VWA8: variants seen among roughly 807,000 people sequenced by gnomAD.
The protein encoded by VWA8 is von Willebrand factor A domain-containing protein 8.
VWA8 carries 221 observed loss-of-function variants against 241.5 expected under a neutral mutation model. The observed-to-expected ratio is 0.91, with a 90% confidence interval of 0.82 to 1.02. VWA8 has a LOEUF of 1.02. Ranked by LOEUF, VWA8 falls within the 50% of genes least tolerant of loss-of-function variation. VWA8 has a pLI of 0.00. For synonymous variants in VWA8, 852 were observed against 827.1 expected (o/e 1.03, Z -0.52); for missense variants, 2,322 against 2,328.7 (o/e 1.00, Z 0.06).
intron 37 of VWA8, among the ~76,000 whole-genome samples, chr13:41,618,403 A>G (rs2044635483): frequency 6.6e-6 from 1 of 151,840 alleles, no homozygotes; most frequent in Non-Finnish European, 1.5e-5. Flanking sequence ...GATTGTAAAA[A>G]TTTTCTCCCA....
chr13:41,671,059 C>T lies in VWA8; in HGVS notation c.4498G>A (p.Val1500Ile), dbSNP rs577232520. 6.2e-7 allele frequency: 1 copy of T among 1,613,996 alleles called. No homozygotes were observed. The highest frequency in any genetic ancestry group is 1.1e-5 in the South Asian group (1 of 91,086). The change falls in exon 37 of 45, where the codon GTT (valine) becomes ATT (isoleucine). Residue 1500 changes from valine (V) to isoleucine (I), a missense_variant. Coordinates refer to ENST00000379310, the MANE Select transcript of VWA8 (RefSeq NM_015058.2). Reference protein sequence around the residue: ...LLAEWDKSGVVTVDMGGHIRL... With the variant: ...LLAEWDKSGVITVDMGGHIRL... ...ATGTGACCTCCCATATCAACAGTAACAACACCGCTTTTGTCCCACTCAGCC... is the reference window on the plus strand; with the variant it reads ...ATGTGACCTCCCATATCAACAGTAATAACACCGCTTTTGTCCCACTCAGCC...
intron 4 of VWA8, among the ~76,000 whole-genome samples, chr13:41,896,610 T>C (rs1445438160): frequency 6.6e-6 from 1 of 152,096 alleles, no homozygotes; most frequent in Admixed American, 6.5e-5. Flanking sequence ...TTATAGATTA[T>C]TAAGAAAATT....
intron 12 of VWA8, among the ~76,000 whole-genome samples, chr13:41,838,124 G>A (rs1362676102): frequency 6.6e-6 from 1 of 152,014 alleles, no homozygotes; most frequent in African/African-American, 2.4e-5. Flanking sequence ...CTCAAGAAAT[G>A]GATCAGAGAA....
At chr13:41,736,651 G>A (rs190193260) in intron 21 of VWA8, among the ~76,000 whole-genome samples, 42 of 152,016 alleles carry the variant, frequency 2.8e-4, no homozygotes, top group Admixed American at 2.6e-3. Context: ...AAACATAAGA[G>A]TAAAGGAAGA....
intron 2 of VWA8, among the ~76,000 whole-genome samples, chr13:41,919,464 G>A (rs2138123566): frequency 6.6e-6 from 1 of 152,262 alleles, no homozygotes; most frequent in East Asian, 1.9e-4. Flanking sequence ...CTGCTACTGT[G>A]TTGTAACCAG....
chr13:41,655,003 T>G (rs558741385), intron 37 of VWA8, among the ~76,000 whole-genome samples: 2 of 152,318 alleles, frequency 1.3e-5, no homozygotes, highest in African/African-American at 4.8e-5. Context: ...GGGTTACACA[T>G]TAATGCTATA....
At chr13:41,814,506 C>T (rs900581673) in intron 16 of VWA8, among the ~76,000 whole-genome samples, 1 of 152,090 alleles carries the variant, frequency 6.6e-6, no homozygotes, top group African/African-American at 2.4e-5. Context: ...GCTGAGGATG[C>T]TTCAAGAGAG....
chr13:41,819,593 G>A (rs1163233418), intron 14 of VWA8, among the ~76,000 whole-genome samples: 11 of 152,158 alleles, frequency 7.2e-5, no homozygotes, highest in Admixed American at 5.2e-4. Context: ...ACCACTGCTA[G>A]TAAATGCTGT....
At chr13:41,944,235 T>C (rs1877742131) in intron 2 of VWA8, among the ~76,000 whole-genome samples, 1 of 151,992 alleles carries the variant, frequency 6.6e-6, no homozygotes, top group South Asian at 2.1e-4. Context: ...ATGGCATAAA[T>C]TGTCAAACTC....
At chr13:41,609,789 C>T (rs184027449) in intron 39 of VWA8, among the ~76,000 whole-genome samples, 9 of 152,204 alleles carry the variant, frequency 5.9e-5, no homozygotes, top group South Asian at 2.1e-4. Context: ...AACCACCTTA[C>T]GGTATTCTCT....
chr13:41,629,403 G>C (rs2044712818), intron 37 of VWA8, among the ~76,000 whole-genome samples: 2 of 152,196 alleles, frequency 1.3e-5, no homozygotes, highest in South Asian at 4.1e-4. Flanking sequence ...AGAGGGAACA[G>C]AGCAGCTTAA....
intron 8 of VWA8, 30 bp downstream of exon 8, chr13:41,885,887 TGGG>T: frequency 6.8e-7 from 1 of 1,462,312 alleles, no homozygotes; most frequent in East Asian, 2.3e-5. Flanking sequence ...TTAACATATT[TGGG>T]TATGCCAGTC....
In VWA8 at chr13:41,566,913, C is replaced by G. The variant is rs759896333; in HGVS notation, c.*1284G>C. The G allele has an allele frequency of 9.2e-5, 14 of 152,082 alleles. No homozygotes were observed. Among genetic ancestry groups the G allele is most frequent in the Admixed American group, 8.5e-4 (13 of 15,262 alleles). 9.4% of individuals were successfully genotyped at this position (152,082 alleles called of 1,614,324 possible). A position where few individuals can be genotyped will look rare whatever the true frequency, so the allele number is the denominator to read the frequency against. On this transcript the variant is annotated 3_prime_UTR_variant, in exon 45 of 45. Coordinates refer to ENST00000379310, the MANE Select transcript of VWA8 (RefSeq NM_015058.2). ...GGGTGATAGAACAAATGGGTATTATCTTTTCTTCTTTCCTATAATTAATTA... is the reference window on the plus strand; with the variant it reads ...GGGTGATAGAACAAATGGGTATTATGTTTTCTTCTTTCCTATAATTAATTA...
intron 17 of VWA8, among the ~76,000 whole-genome samples, chr13:41,794,580 C>T (rs1386782753): frequency 6.6e-6 from 1 of 152,186 alleles, no homozygotes; most frequent in Non-Finnish European, 1.5e-5. Flanking sequence ...CATCTGTAAA[C>T]AAAGATAATT....
intron 12 of VWA8, among the ~76,000 whole-genome samples, chr13:41,863,679 G>A (rs993459524): frequency 6.6e-6 from 1 of 151,758 alleles, no homozygotes; most frequent in African/African-American, 2.4e-5. Context: ...GCAGCAACAT[G>A]GATGTAGCTA....
At chr13:41,647,687 C>T (rs2044840675) in intron 37 of VWA8, among the ~76,000 whole-genome samples, 3 of 152,020 alleles carry the variant, frequency 2.0e-5, no homozygotes, top group Admixed American at 1.3e-4. Flanking sequence ...AAATATACAT[C>T]GCTAAAAGAA....
At chr13:41,729,503 G>T (rs376950758) in intron 23 of VWA8, 39 bp downstream of exon 23, 64 of 1,584,682 alleles carry the variant, frequency 4.0e-5, no homozygotes, top group Non-Finnish European at 5.2e-5. Flanking sequence ...TATAAACATT[G>T]TATTTATTAA....
intron 2 of VWA8, among the ~76,000 whole-genome samples, chr13:41,922,899 T>C (rs1448024584): frequency 1.3e-5 from 2 of 152,208 alleles, no homozygotes; most frequent in Non-Finnish European, 2.9e-5. Context: ...GATCTAGAAC[T>C]AGAAATATGA....
At chr13:41,894,167 T>C (rs1359514732) in intron 4 of VWA8, among the ~76,000 whole-genome samples, 5 of 152,226 alleles carry the variant, frequency 3.3e-5, no homozygotes, top group Non-Finnish European at 4.4e-5. Context: ...TCACCATCTA[T>C]GGGCCACAAA....
Sources: gnomAD v4.1 joint callset for allele counts (sites outside exome capture counted in the v4.1 genomes callset) on GRCh38, gnomAD v4.1.1 for gene constraint, MANE v1.5 for transcripts, NCBI Gene and HGNC (gene_info 2026-07-23, HGNC 2026-07-21) for gene names.